Variants in DNAAF11 observed in about 807,000 individuals in gnomAD.
DNAAF11 encodes dynein axonemal assembly factor 11, also known as leucine rich repeat containing 6.
DNAAF11 carries 45 observed loss-of-function variants against 60.8 expected under a neutral mutation model. That is an observed-to-expected ratio of 0.74 (90% CI 0.58 to 0.95). DNAAF11 has a LOEUF of 0.95. DNAAF11 is among the 40% of genes least tolerant of loss of function. DNAAF11 has a pLI of 0.00. For missense variants in DNAAF11, 546 were observed against 546.2 expected (o/e 1.00, Z 0.00); for synonymous variants, 191 against 183.5 (o/e 1.04, Z -0.33).
chr8:132,590,937 G>C (rs1327477930), intron 10 of DNAAF11, among the ~76,000 whole-genome samples: 2 of 152,170 alleles, frequency 1.3e-5, no homozygotes, highest in Non-Finnish European at 2.9e-5. Flanking sequence ...CTACAGATGA[G>C]AGTTAATAAT....
chr8:132,665,295 T>C (rs1390910770), intron 1 of DNAAF11, among the ~76,000 whole-genome samples: 1 of 152,180 alleles, frequency 6.6e-6, no homozygotes, highest in Non-Finnish European at 1.5e-5. Context: ...TTATAGTGTT[T>C]CATGCTTTTG....
At chr8:132,667,173 G>A (rs1824719840) in intron 1 of DNAAF11, among the ~76,000 whole-genome samples, 1 of 152,214 alleles carries the variant, frequency 6.6e-6, no homozygotes, top group African/African-American at 2.4e-5. Flanking sequence ...GGGATGGGAT[G>A]TGTAGTGTTG....
chr8:132,573,497 G>A (rs1814433733), intron 11 of DNAAF11, among the ~76,000 whole-genome samples: 1 of 152,156 alleles, frequency 6.6e-6, no homozygotes, highest in African/African-American at 2.4e-5. Flanking sequence ...TATCTTTGAA[G>A]CAAAGGTTTT....
chr8:132,649,924 T>G (rs1045216036), intron 3 of DNAAF11, among the ~76,000 whole-genome samples: 1 of 152,236 alleles, frequency 6.6e-6, no homozygotes, highest in Non-Finnish European at 1.5e-5. Context: ...TTAGTGGGAC[T>G]GTAAACTAGT....
rs1448409230 is a variant in DNAAF11, at chr8:132,601,478, G to A, written c.1140+8688C>T. Among the ~76,000 whole-genome samples, 5 of 152,192 alleles carry A rather than the reference G, an allele frequency of 3.3e-5. No individual in the cohort carries two copies. In the South Asian group the frequency reaches 6.2e-4, roughly 19 times the overall value. Reference sequence around the variant, plus strand: ...GCTACAAAGACACATGCACACGTATGTTTATTGCAGCACTATTCACAATAG... The same window carrying A: ...GCTACAAAGACACATGCACACGTATATTTATTGCAGCACTATTCACAATAG... On this transcript the variant is annotated intron_variant, in intron 10 of 11. Coordinates refer to ENST00000620350, the MANE Select transcript of DNAAF11 (RefSeq NM_012472.6).
the DNAAF11 span, among the ~76,000 whole-genome samples, chr8:132,681,811 G>T: frequency 1.1e-4 from 16 of 152,148 alleles, no homozygotes; most frequent in Non-Finnish European, 2.1e-4. Flanking sequence ...GTTTTAGTTA[G>T]GACTTTACTG....
chr8:132,644,385 TAGG>T (rs931949184), intron 3 of DNAAF11, among the ~76,000 whole-genome samples: 27 of 152,082 alleles, frequency 1.8e-4, no homozygotes, highest in African/African-American at 6.3e-4. Context: ...GACGGCCAAA[TAGG>T]AACAGCTCCA....
intron 1 of DNAAF11, among the ~76,000 whole-genome samples, chr8:132,666,132 C>T (rs1026741377): frequency 2.6e-5 from 4 of 152,178 alleles, no homozygotes; most frequent in Non-Finnish European, 5.9e-5. Flanking sequence ...GAAAAACGAC[C>T]TACTGGCTAC....
At chr8:132,581,005 T>C (rs1390716962) in intron 11 of DNAAF11, among the ~76,000 whole-genome samples, 1 of 152,212 alleles carries the variant, frequency 6.6e-6, no homozygotes, top group Non-Finnish European at 1.5e-5. Context: ...CATACAGATG[T>C]GGACTCCTGG....
chr8:132,572,836 T>A (rs1814350083), intron 11 of DNAAF11, among the ~76,000 whole-genome samples: 1 of 152,146 alleles, frequency 6.6e-6, no homozygotes, highest in South Asian at 2.1e-4. Context: ...AATAACTGAA[T>A]CCTTCCAGGC....
At chr8:132,656,061 T>C (rs1326936548) in intron 3 of DNAAF11, among the ~76,000 whole-genome samples, 1 of 152,232 alleles carries the variant, frequency 6.6e-6, no homozygotes, top group East Asian at 1.9e-4. Context: ...AGGCTTACTG[T>C]AGCCATGCTT....
chr8:132,642,042 C>T (rs1027916791), intron 3 of DNAAF11, among the ~76,000 whole-genome samples: 1 of 152,132 alleles, frequency 6.6e-6, no homozygotes, highest in African/African-American at 2.4e-5. Flanking sequence ...GATTAAACAT[C>T]ATTCTATTTT....
At chr8:132,662,465 A>T (rs1464186765) in intron 1 of DNAAF11, among the ~76,000 whole-genome samples, 1 of 152,194 alleles carries the variant, frequency 6.6e-6, no homozygotes, top group Non-Finnish European at 1.5e-5. Flanking sequence ...ACTGCCACTA[A>T]AACTGGTATT....
chr8:132,630,543 T>TAATATTTTTAAACTTCATA (rs1433883102), intron 5 of DNAAF11, among the ~76,000 whole-genome samples: 1 of 152,158 alleles, frequency 6.6e-6, no homozygotes, highest in Non-Finnish European at 1.5e-5. Context: ...TTAACTACAT[T>TAATATTTTTAAACTTCATA]AATATTTTTA....
chr8:132,583,808 T>C, intron 10 of DNAAF11, 29 bp from the exon 11 acceptor site: 2 of 1,439,792 alleles, frequency 1.4e-6, no homozygotes, highest in Non-Finnish European at 9.8e-7. Context: ...ACACACCAAG[T>C]GGTGCATTAC....
At chr8:132,682,048 G>A in the DNAAF11 span, among the ~76,000 whole-genome samples, 1 of 152,224 alleles carries the variant, frequency 6.6e-6, no homozygotes, top group South Asian at 2.1e-4. Context: ...AGTTTGAGAT[G>A]TGAAGGTTTT....
At chr8:132,643,771 T>TA (rs550685030) in intron 3 of DNAAF11, 96 of 453,982 alleles carry the variant, frequency 2.1e-4, no homozygotes, top group African/African-American at 1.7e-3. Context: ...GTGCATTCGT[T>TA]AGACACTTGT....
At chr8:132,595,176 G>A (rs1444907761) in intron 10 of DNAAF11, among the ~76,000 whole-genome samples, 1 of 151,958 alleles carries the variant, frequency 6.6e-6, no homozygotes, top group African/African-American at 2.4e-5. Context: ...AGAGAAAGGG[G>A]CAGAAATGCT....
chr8:132,691,686 T>A, the DNAAF11 span, among the ~76,000 whole-genome samples: 121 of 152,272 alleles, frequency 7.9e-4, no homozygotes, highest in African/African-American at 2.8e-3. Flanking sequence ...CTACCATTTA[T>A]GAAACCATCA....
Sources: gnomAD v4.1 joint callset for allele counts (sites outside exome capture counted in the v4.1 genomes callset) on GRCh38, gnomAD v4.1.1 for gene constraint, MANE v1.5 for transcripts, NCBI Gene and HGNC (gene_info 2026-07-23, HGNC 2026-07-21) for gene names.